Variants in IKZF2 observed in about 807,000 individuals in gnomAD.
IKZF2 encodes the protein IKAROS family zinc finger 2.
In IKZF2, 15 loss-of-function variants were observed where a neutral mutation model predicts 49.2. That is an observed-to-expected ratio of 0.30 (90% CI 0.20 to 0.47). The LOEUF (loss-of-function observed/expected upper bound fraction) is 0.47. Ranked by LOEUF, IKZF2 falls within the 20% of genes least tolerant of loss-of-function variation. The probability of loss-of-function intolerance (pLI) is 1.00; values close to 1 mark genes in which losing one functional copy is unlikely to be tolerated. For synonymous variants in IKZF2, 227 were observed against 221.4 expected, an observed-to-expected ratio of 1.03 and a Z score of -0.23; for missense variants, 567 against 664.6, an observed-to-expected ratio of 0.85 and a Z score of 1.61.
chr2:213,150,530 C>T (rs1193009508), intron 1 of IKZF2: 1 of 214,718 alleles, frequency 4.7e-6, no homozygotes, highest in Non-Finnish European at 9.5e-6. Flanking sequence ...TAGGGATGGT[C>T]TAGTAGGAAA....
chr2:213,110,923 T>A (rs1353000910), intron 4 of IKZF2, among the ~76,000 whole-genome samples: 1 of 152,026 alleles, frequency 6.6e-6, no homozygotes, highest in Admixed American at 6.6e-5. Flanking sequence ...GCCAATGGTA[T>A]TTTTCTGTGA....
intron 4 of IKZF2, among the ~76,000 whole-genome samples, chr2:213,095,869 A>G (rs7564792): frequency 0.29 from 43,566 of 151,908 alleles, 7,206 homozygotes; most frequent in Non-Finnish European, 0.38. Flanking sequence ...TATTGTTTCT[A>G]TCTACTAACG....
At chr2:213,037,833 T>C (rs1699184790) in intron 6 of IKZF2, among the ~76,000 whole-genome samples, 1 of 152,086 alleles carries the variant, frequency 6.6e-6, no homozygotes, top group Non-Finnish European at 1.5e-5. Context: ...AAGTTCACAC[T>C]TGGGAGATCA....
rs568230480 is a variant in IKZF2, at chr2:213,118,704, C to T, written c.139+29004G>A. Among the ~76,000 whole-genome samples, 29 of 151,918 alleles carry T rather than the reference C, an allele frequency of 1.9e-4. No individual in the cohort carries two copies. In the South Asian group the frequency reaches 6.0e-3, roughly 31 times the overall value. On this transcript the variant is annotated intron_variant, in intron 4 of 8. Transcript: ENST00000434687. ...ACACTTTTGTAACTACAAAGTCAGT[C>T]ATCAGTGCTAATATTTTGTGCTTGT... is the stretch of plus-strand genomic sequence containing the variant.
chr2:213,078,094 T>A (rs751742031), intron 4 of IKZF2, among the ~76,000 whole-genome samples: 134 of 152,180 alleles, frequency 8.8e-4, no homozygotes, highest in Admixed American at 1.5e-3. Context: ...TATCCTCAAC[T>A]CTTCAAGTGT....
At chr2:213,028,675 C>G (rs1698075675) in intron 6 of IKZF2, among the ~76,000 whole-genome samples, 1 of 152,028 alleles carries the variant, frequency 6.6e-6, no homozygotes, top group African/African-American at 2.4e-5. Flanking sequence ...CTGTTCATTC[C>G]TAGCATATAG....
chr2:213,124,153 G>C (rs1021485370), intron 4 of IKZF2, among the ~76,000 whole-genome samples: 2 of 151,824 alleles, frequency 1.3e-5, no homozygotes, highest in Non-Finnish European at 2.9e-5. Flanking sequence ...TGACCTTTGG[G>C]GTCACTTTTA....
chr2:213,037,312 G>A (rs1699126973), intron 6 of IKZF2, among the ~76,000 whole-genome samples: 1 of 152,202 alleles, frequency 6.6e-6, no homozygotes, highest in Non-Finnish European at 1.5e-5. Context: ...GAGCTGCATA[G>A]AATTATAAAA....
chr2:213,143,599 G>A (rs540786771), intron 4 of IKZF2, among the ~76,000 whole-genome samples: 56 of 151,734 alleles, frequency 3.7e-4, no homozygotes, highest in Non-Finnish European at 4.1e-4. Context: ...AGTACATTGG[G>A]TATATACACA....
chr2:213,020,838 C>T (rs1242208606), intron 7 of IKZF2, among the ~76,000 whole-genome samples: 3 of 152,148 alleles, frequency 2.0e-5, no homozygotes, highest in African/African-American at 7.2e-5. Context: ...TAAGCCAATA[C>T]ATAGATATTT....
intron 4 of IKZF2, among the ~76,000 whole-genome samples, chr2:213,077,753 A>C (rs1703439998): frequency 6.6e-6 from 1 of 151,856 alleles, no homozygotes; most frequent in African/African-American, 2.4e-5. Context: ...ATGTCCGGCT[A>C]ATTTTTGTGT....
chr2:213,124,579 C>T (rs1035458191), intron 4 of IKZF2, among the ~76,000 whole-genome samples: 7 of 152,214 alleles, frequency 4.6e-5, no homozygotes, highest in African/African-American at 1.7e-4. Context: ...TAATTTTTCA[C>T]GTACAAGTGG....
intron 4 of IKZF2, among the ~76,000 whole-genome samples, chr2:213,077,385 T>C (rs1349213723): frequency 6.6e-6 from 1 of 152,138 alleles, no homozygotes; most frequent in African/African-American, 2.4e-5. Flanking sequence ...TTAAATTTTC[T>C]CTAATAATTT....
In IKZF2 at chr2:213,001,772, G is replaced by A. The variant is rs1048630036; in HGVS notation, c.*5588C>T. The A allele has an allele frequency of 4.6e-5, 7 of 151,660 alleles. No individual in the cohort carries two copies. The highest frequency in any genetic ancestry group is 7.4e-5 in the Non-Finnish European group (5 of 67,440). 9.4% of individuals were successfully genotyped at this position (151,660 alleles called of 1,614,324 possible). On this transcript the variant is annotated 3_prime_UTR_variant, in exon 9 of 9. Coordinates refer to ENST00000434687, the MANE Select transcript of IKZF2 (RefSeq NM_001387220.1). ...GAGGGAGATGTAACAAAATTTAAGA[G>A]ATAACAGAGAGACCTTTGTTACACA...
intron 5 of IKZF2, among the ~76,000 whole-genome samples, chr2:213,054,965 T>C (rs1236183137): frequency 6.6e-6 from 1 of 152,150 alleles, no homozygotes; most frequent in African/African-American, 2.4e-5. Context: ...TGAATATTAT[T>C]GTAGCTACAG....
intron 6 of IKZF2, among the ~76,000 whole-genome samples, chr2:213,027,077 C>A (rs1177971791): frequency 1.3e-5 from 2 of 152,076 alleles, no homozygotes; most frequent in African/African-American, 4.8e-5. Flanking sequence ...TCCCAAAAAG[C>A]AACCATTTTC....
chr2:213,026,984 C>A (rs1456075270), intron 6 of IKZF2, among the ~76,000 whole-genome samples: 2 of 151,924 alleles, frequency 1.3e-5, no homozygotes, highest in Non-Finnish European at 2.9e-5. Context: ...TAAAAAAAAT[C>A]AAATAGTCCC....
At chr2:213,103,405 A>C (rs1400745005) in intron 4 of IKZF2, among the ~76,000 whole-genome samples, 1 of 152,208 alleles carries the variant, frequency 6.6e-6, no homozygotes, top group Non-Finnish European at 1.5e-5. Flanking sequence ...TATCAAAGAT[A>C]ATCTTCTGAT....
At chr2:213,028,719 A>C (rs574409556) in intron 6 of IKZF2, among the ~76,000 whole-genome samples, 1 of 152,222 alleles carries the variant, frequency 6.6e-6, no homozygotes, top group East Asian at 1.9e-4. Flanking sequence ...TATGTCAAAG[A>C]AATATTTGCA....
Sources: gnomAD v4.1 joint callset for allele counts (sites outside exome capture counted in the v4.1 genomes callset) on GRCh38, gnomAD v4.1.1 for gene constraint, MANE v1.5 for transcripts, NCBI Gene and HGNC (gene_info 2026-07-23, HGNC 2026-07-21) for gene names.